ENTREP2: variants seen among roughly 807,000 people sequenced by gnomAD.
The protein encoded by ENTREP2 is protein ENTREP2.
chr15:29,651,763 T>TA, the ENTREP2 span, among the ~76,000 whole-genome samples: 4 of 152,198 alleles, frequency 2.6e-5, no homozygotes, highest in African/African-American at 9.6e-5. Context: ...CTCAGCCCCC[T>TA]ACAGGCTTTG....
chr15:29,635,123 A>G, the ENTREP2 span, among the ~76,000 whole-genome samples: 43,297 of 152,038 alleles, frequency 0.28, 9,320 homozygotes, highest in African/African-American at 0.61. Context: ...TATTACAGGC[A>G]TGAGCCACCG....
chr15:29,585,352 G>A, the ENTREP2 span, among the ~76,000 whole-genome samples: 4 of 152,134 alleles, frequency 2.6e-5, no homozygotes, highest in African/African-American at 9.6e-5. Flanking sequence ...ATTGAATTGC[G>A]TGAAACCCTC....
chr15:29,118,725 G>A, the ENTREP2 span, among the ~76,000 whole-genome samples: 1 of 152,178 alleles, frequency 6.6e-6, no homozygotes, highest in Non-Finnish European at 1.5e-5. Context: ...AAGCCGGACC[G>A]CCCATCCCAG....
the ENTREP2 span, among the ~76,000 whole-genome samples, chr15:29,525,560 A>G: frequency 1.2e-4 from 18 of 152,378 alleles, no homozygotes; most frequent in South Asian, 2.7e-3. Context: ...CCAGGCAATT[A>G]AAGGGGCTAA....
chr15:29,456,770 GAA>G, the ENTREP2 span, among the ~76,000 whole-genome samples: 2 of 152,220 alleles, frequency 1.3e-5, no homozygotes, highest in African/African-American at 4.8e-5. Context: ...CTACTTGGAG[GAA>G]AGTTTTCAGA....
the ENTREP2 span, among the ~76,000 whole-genome samples, chr15:29,299,815 A>T: frequency 0.041 from 6,169 of 152,260 alleles, 437 homozygotes; most frequent in African/African-American, 0.14. Flanking sequence ...CTAGTATATA[A>T]TAAAGCACAC....
the ENTREP2 span, among the ~76,000 whole-genome samples, chr15:29,403,672 T>G: frequency 6.6e-6 from 1 of 152,182 alleles, no homozygotes; most frequent in Non-Finnish European, 1.5e-5. Context: ...ACACTATTTA[T>G]GCAAACTCTC....
At chr15:29,322,734 G>A in the ENTREP2 span, among the ~76,000 whole-genome samples, 2 of 152,054 alleles carry the variant, frequency 1.3e-5, no homozygotes, top group Admixed American at 6.6e-5. Flanking sequence ...TCCTTTTCAC[G>A]TGCAACACGT....
chr15:29,507,647 A>C, the ENTREP2 span, among the ~76,000 whole-genome samples: 2 of 152,240 alleles, frequency 1.3e-5, no homozygotes, highest in East Asian at 3.8e-4. Flanking sequence ...CTGCTACTGA[A>C]TGACCACTGG....
chr15:29,490,354 T>C, the ENTREP2 span, among the ~76,000 whole-genome samples: 4 of 152,186 alleles, frequency 2.6e-5, no homozygotes, highest in African/African-American at 9.7e-5. Flanking sequence ...TGGCAAGATT[T>C]ACCGCAAAGA....
At chr15:29,469,198 TTTTG>T in the ENTREP2 span, among the ~76,000 whole-genome samples, 10 of 152,102 alleles carry the variant, frequency 6.6e-5, no homozygotes, top group South Asian at 1.0e-3. Context: ...TTTTGTTTTG[TTTTG>T]TTTGTTTGTT....
chr15:29,326,266 TG>T, the ENTREP2 span, among the ~76,000 whole-genome samples: 1 of 152,140 alleles, frequency 6.6e-6, no homozygotes, highest in South Asian at 2.1e-4. Context: ...GTACATAGAT[TG>T]AAAAGTCAGA....
the ENTREP2 span, among the ~76,000 whole-genome samples, chr15:29,602,412 T>TA: frequency 2.3e-4 from 35 of 152,148 alleles, no homozygotes; most frequent in African/African-American, 8.2e-4. Flanking sequence ...CTCTCTCTTT[T>TA]AAAAAAATGT....
chr15:29,521,686 T>C, the ENTREP2 span, among the ~76,000 whole-genome samples: 1 of 152,116 alleles, frequency 6.6e-6, no homozygotes, highest in African/African-American at 2.4e-5. Context: ...GCAAAGTTAT[T>C]AGACACCCTA....
the ENTREP2 span, among the ~76,000 whole-genome samples, chr15:29,552,815 T>C: frequency 6.6e-6 from 1 of 152,138 alleles, no homozygotes. Flanking sequence ...AAGTACCTTT[T>C]TCCTATAAAC....
the ENTREP2 span, among the ~76,000 whole-genome samples, chr15:29,205,120 G>A: frequency 1.8e-4 from 27 of 152,256 alleles, no homozygotes; most frequent in Non-Finnish European, 2.8e-4. Flanking sequence ...ATGTCTTCAA[G>A]GTTCATCCAT....
the ENTREP2 span, among the ~76,000 whole-genome samples, chr15:29,580,494 G>T: frequency 2.6e-5 from 4 of 152,048 alleles, no homozygotes; most frequent in Admixed American, 2.0e-4. Context: ...ACATATTCCC[G>T]TTAGGTCTAG....
chr15:29,326,833 C>A, the ENTREP2 span, among the ~76,000 whole-genome samples: 3 of 151,928 alleles, frequency 2.0e-5, no homozygotes, highest in African/African-American at 7.2e-5. Flanking sequence ...ATAGTATAAA[C>A]AAGTCAACAT....
chr15:29,170,502 T>C, the ENTREP2 span, among the ~76,000 whole-genome samples: 2 of 152,052 alleles, frequency 1.3e-5, no homozygotes, highest in South Asian at 2.1e-4. Flanking sequence ...AATAGGAAGA[T>C]TCAATACTAT....
Sources: gnomAD v4.1 joint callset for allele counts (sites outside exome capture counted in the v4.1 genomes callset) on GRCh38, gnomAD v4.1.1 for gene constraint, MANE v1.5 for transcripts, NCBI Gene and HGNC (gene_info 2026-07-23, HGNC 2026-07-21) for gene names.